Variants in PTPRQ observed in about 807,000 individuals in gnomAD.
PTPRQ encodes protein tyrosine phosphatase receptor type Q.
PTPRQ carries 199 observed loss-of-function variants against 246.0 expected under a neutral mutation model. The ratio of observed to expected loss-of-function variants is 0.81; its 90% CI spans 0.72 to 0.91. The LOEUF (loss-of-function observed/expected upper bound fraction) is 0.91. Ranked by LOEUF, PTPRQ falls within the 40% of genes least tolerant of loss-of-function variation. The pLI, the probability that PTPRQ is intolerant of heterozygous loss-of-function variation, is 0.00. For missense variants in PTPRQ, 2,624 were observed against 2,528.4 expected (o/e 1.04, Z -0.81); for synonymous variants, 869 against 853.2 (o/e 1.02, Z -0.32).
chr12:80,638,968 C>G (rs1899757769), intron 35 of PTPRQ, among the ~76,000 whole-genome samples: 1 of 152,126 alleles, frequency 6.6e-6, no homozygotes, highest in African/African-American at 2.4e-5. Flanking sequence ...GTTTTGTTAT[C>G]TAATAAACAT....
intron 32 of PTPRQ, 115 bp downstream of exon 32, chr12:80,620,491 T>C (rs1898940418): frequency 1.4e-6 from 2 of 1,412,730 alleles, no homozygotes; most frequent in Admixed American, 2.8e-5. Flanking sequence ...CCGCCACGTA[T>C]AGTGACCTGA....
intron 19 of PTPRQ, among the ~76,000 whole-genome samples, chr12:80,535,307 A>G (rs1895954384): frequency 6.6e-6 from 1 of 152,132 alleles, no homozygotes; most frequent in African/African-American, 2.4e-5. Context: ...CCTACTGAAA[A>G]TTCTGTTTAT....
chr12:80,576,749 A>G (rs910637185), intron 25 of PTPRQ, among the ~76,000 whole-genome samples: 2 of 151,984 alleles, frequency 1.3e-5, no homozygotes, highest in Admixed American at 6.5e-5. Context: ...CTCCTTTCAA[A>G]TGTTCATTTA....
intron 1 of PTPRQ, 50 bp downstream of exon 1, chr12:80,444,449 A>T (rs2120378161): frequency 9.4e-7 from 1 of 1,058,978 alleles, no homozygotes; most frequent in East Asian, 2.6e-5. Flanking sequence ...TGGGCTGTAG[A>T]TTTCTCAAGA....
intron 8 of PTPRQ, among the ~76,000 whole-genome samples, chr12:80,475,247 G>A (rs1365776708): frequency 6.6e-6 from 1 of 151,912 alleles, no homozygotes; most frequent in African/African-American, 2.4e-5. Context: ...ATAATTCTTA[G>A]GTAGTCCATG....
At chr12:80,526,418 G>A (rs1335803411) in intron 17 of PTPRQ, among the ~76,000 whole-genome samples, 2 of 152,110 alleles carry the variant, frequency 1.3e-5, no homozygotes, top group Non-Finnish European at 2.9e-5. Flanking sequence ...AATTATGTGG[G>A]TATAGAATTG....
intron 33 of PTPRQ, among the ~76,000 whole-genome samples, chr12:80,630,004 CTAAA>C (rs1391443735): frequency 1.3e-5 from 2 of 152,126 alleles, no homozygotes; most frequent in Non-Finnish European, 2.9e-5. Context: ...TATTCCACTC[CTAAA>C]TACTTTAGTA....
chr12:80,655,743 C>T lies in PTPRQ; in HGVS notation c.6116-2242C>T, dbSNP rs146525305. Among the ~76,000 whole-genome samples, 277 of 152,180 alleles carry T rather than the reference C, an allele frequency of 1.8e-3. 2 individuals are homozygous for T. Among genetic ancestry groups the T allele is most frequent in the Admixed American group, 0.015 (236 of 15,266 alleles). On this transcript the variant is annotated intron_variant, in intron 38 of 44. Transcript: ENST00000644991. ...TAAAGCTGAAGAAAATTTATTTTCC[C>T]TGCAGAGATTGATTTCATTTTAATA... is the stretch of plus-strand genomic sequence containing the variant.
intron 17 of PTPRQ, among the ~76,000 whole-genome samples, chr12:80,511,343 G>A (rs527445110): frequency 6.6e-6 from 1 of 151,948 alleles, no homozygotes; most frequent in East Asian, 1.9e-4. Flanking sequence ...TTGCCTAGTC[G>A]TGACGAAAGT....
At chr12:80,541,456 T>G (rs1052829942) in intron 20 of PTPRQ, 99 bp from the exon 21 acceptor site, 2 of 906,440 alleles carry the variant, frequency 2.2e-6, no homozygotes, top group Non-Finnish European at 3.0e-6. Context: ...GAGCTGATGA[T>G]GTAATAGTTG....
At chr12:80,672,464 C>G (rs1005101570) in intron 42 of PTPRQ, among the ~76,000 whole-genome samples, 4 of 151,800 alleles carry the variant, frequency 2.6e-5, no homozygotes, top group African/African-American at 4.8e-5. Context: ...ATTTATAAGA[C>G]TAGATGAACT....
chr12:80,652,710 TA>T, intron 37 of PTPRQ, 33 bp from the exon 38 acceptor site: 2 of 1,469,912 alleles, frequency 1.4e-6, no homozygotes, highest in Non-Finnish European at 1.8e-6. Context: ...TTACCTCTGA[TA>T]AATGTAAACT....
At chr12:80,589,567 A>G (rs1897724493) in intron 26 of PTPRQ, among the ~76,000 whole-genome samples, 1 of 152,210 alleles carries the variant, frequency 6.6e-6, no homozygotes, top group African/African-American at 2.4e-5. Context: ...AGTGAAATAC[A>G]CTTTGATCTA....
intron 25 of PTPRQ, among the ~76,000 whole-genome samples, chr12:80,570,245 T>A (rs933939744): frequency 2.6e-5 from 4 of 152,214 alleles, no homozygotes; most frequent in Non-Finnish European, 4.4e-5. Flanking sequence ...CCAGCATCTG[T>A]TGTTTCCTGA....
rs34054644 is a variant in PTPRQ at position 80,473,047 on chromosome 12, G to GCACA, written c.1186+823_1186+826dup. The stretch of plus-strand genomic sequence containing the variant: ...TACACACACACACACTCACACACAC[G>GCACA]CACACACACACACACACACACACAC... On this transcript the variant is annotated intron_variant, in intron 8 of 44. Transcript: ENST00000644991. 3.9e-3 allele frequency among the ~76,000 whole-genome samples: 571 copies of GCACA among 145,662 alleles called. 3 individuals carry two copies. The highest frequency in any genetic ancestry group is 0.013 in the African/African-American group (482 of 37,846).
chr12:80,597,735 C>T (rs1301498560), intron 26 of PTPRQ, among the ~76,000 whole-genome samples: 1 of 151,940 alleles, frequency 6.6e-6, no homozygotes, highest in African/African-American at 2.4e-5. Flanking sequence ...GTCATTACAA[C>T]CACCTGGAGG....
chr12:80,510,482 T>C, intron 17 of PTPRQ, 39 bp downstream of exon 17: 1 of 1,490,758 alleles, frequency 6.7e-7, no homozygotes, highest in Non-Finnish European at 9.0e-7. Context: ...TGAGAACAGA[T>C]ATTAATCTGT....
At chr12:80,558,907 C>T (rs1472228504) in intron 25 of PTPRQ, among the ~76,000 whole-genome samples, 1 of 152,136 alleles carries the variant, frequency 6.6e-6, no homozygotes, top group East Asian at 1.9e-4. Context: ...CTGTTCATTA[C>T]TTTTGCCCAT....
In PTPRQ at chr12:80,620,194, T is replaced by C. The variant is rs934993312; in HGVS notation, c.5430T>C (p.Tyr1810=). The part of the protein sequence containing the change: ...DGNVTKWYDA[Y]FNKARPYFTN... ...ATGTAACAAAGTGGTATGATGCATA[T>C]TTTAATAAAGCAAGGCCATATTTTA... Residue 1810 remains tyrosine, a synonymous_variant, in exon 32 of 45, where the codon TAT becomes TAC. Transcript: ENST00000644991. 41 of 1,548,626 alleles carry C rather than the reference T, an allele frequency of 2.6e-5. No homozygotes were observed. The Middle Eastern group carries it at 5.1e-4, about 19-fold the overall frequency.
Sources: gnomAD v4.1 joint callset for allele counts (sites outside exome capture counted in the v4.1 genomes callset) on GRCh38, gnomAD v4.1.1 for gene constraint, MANE v1.5 for transcripts, NCBI Gene and HGNC (gene_info 2026-07-23, HGNC 2026-07-21) for gene names.